The following CYSTM1 variants were observed in gnomAD, a reference collection of about 807,000 sequenced individuals.
CYSTM1 encodes the protein cysteine rich transmembrane module containing 1.
CYSTM1 carries 4 observed loss-of-function variants against 13.1 expected under a neutral mutation model. That is an observed-to-expected ratio of 0.31 (90% CI 0.15 to 0.70). The LOEUF (loss-of-function observed/expected upper bound fraction) is 0.70, where lower values mean the gene tolerates loss of function less well. CYSTM1 is among the 30% of genes least tolerant of loss of function. The pLI is 0.72. For synonymous variants in CYSTM1, 36 were observed against 42.7 expected, an observed-to-expected ratio of 0.84 and a Z score of 0.62; for missense variants, 96 against 121.6, an observed-to-expected ratio of 0.79 and a Z score of 0.99.
chr5:140,234,817 A>G (rs979712142), intron 2 of CYSTM1, among the ~76,000 whole-genome samples: 1 of 152,212 alleles, frequency 6.6e-6, no homozygotes, highest in Admixed American at 6.5e-5. Flanking sequence ...GCAAGATCAT[A>G]CACTGTTTGC....
At chr5:140,194,757 T>G in intron 2 of CYSTM1, 105 bp downstream of exon 2, 1 of 1,380,064 alleles carries the variant, frequency 7.2e-7, no homozygotes, top group Non-Finnish European at 9.8e-7. Flanking sequence ...TTGCAACTTG[T>G]GCTTGATGTC....
chr5:140,228,547 A>G (rs1764586659), intron 2 of CYSTM1, among the ~76,000 whole-genome samples: 1 of 152,216 alleles, frequency 6.6e-6, no homozygotes, highest in Non-Finnish European at 1.5e-5. Context: ...TGTGTGCCAG[A>G]CACTGAAACA....
At chr5:140,229,011 T>C in intron 2 of CYSTM1, 1 of 389,482 alleles carries the variant, frequency 2.6e-6, no homozygotes, top group Non-Finnish European at 4.5e-6. Context: ...TTTCCCTGAT[T>C]ACTAGTGACC....
At chr5:140,200,188 CTT>C (rs1337095872) in intron 2 of CYSTM1, 3 of 152,206 alleles carry the variant, frequency 2.0e-5, no homozygotes, top group African/African-American at 7.2e-5. Flanking sequence ...GCCATGAAGT[CTT>C]TGCCTATGCC....
At chr5:140,177,080 A>AAAAAAAAAACAAAACAAAAC (rs1763900246) in intron 1 of CYSTM1, among the ~76,000 whole-genome samples, 5 of 145,676 alleles carry the variant, frequency 3.4e-5, no homozygotes, top group African/African-American at 1.4e-4. Flanking sequence ...AAAAAAAAAA[A>AAAAAAAAAACAAAACAAAAC]AAAAAAATCT....
intron 1 of CYSTM1, among the ~76,000 whole-genome samples, chr5:140,177,529 T>TG (rs1189946328): frequency 6.6e-6 from 1 of 152,108 alleles, no homozygotes; most frequent in Non-Finnish European, 1.5e-5. Flanking sequence ...GTTTGGGAAT[T>TG]GCGAAGGAAG....
At position 140,177,067 on chromosome 5, in the gene CYSTM1, T is replaced by TCAAAAAAAAAAACAAAAAAAAAA. The variant is rs1433220611; in HGVS notation, c.-21+1794_-21+1795insCAAAAAAAAAACAAAAAAAAAAA. On this transcript the variant is annotated intron_variant, in intron 1 of 2. Transcript: ENST00000261811. ...CTGGGCGACAGAGCGAGACTCTGTCTCAAAAAAAAAAAAAAAAAAATCTCT... is the reference window on the plus strand; with the variant it reads ...CTGGGCGACAGAGCGAGACTCTGTCTCAAAAAAAAAAACAAAAAAAAAACAAAAAAAAAAAAAAAAAAATCTCT... Among the ~76,000 whole-genome samples the TCAAAAAAAAAAACAAAAAAAAAA allele has an allele frequency of 7.7e-3, 115 of 14,918 alleles. 4 individuals carry two copies. Among genetic ancestry groups the TCAAAAAAAAAAACAAAAAAAAAA allele is most frequent in the African/African-American group, 0.034 (108 of 3,186 alleles). 9.8% of individuals were successfully genotyped at this position (14,918 alleles called of 152,430 possible).
At chr5:140,233,373 G>A (rs1764639533) in intron 2 of CYSTM1, among the ~76,000 whole-genome samples, 2 of 152,102 alleles carry the variant, frequency 1.3e-5, no homozygotes, top group South Asian at 4.1e-4. Flanking sequence ...TGTATTAGAG[G>A]TACCCCAGTT....
intron 2 of CYSTM1, among the ~76,000 whole-genome samples, chr5:140,207,588 A>AT (rs1031089452): frequency 1.1e-3 from 170 of 152,128 alleles, no homozygotes; most frequent in African/African-American, 3.9e-3. Context: ...AGATTTAAAT[A>AT]TTTTTTCTCC....
At chr5:140,202,683 A>G (rs1764247448) in intron 2 of CYSTM1, 1 of 152,188 alleles carries the variant, frequency 6.6e-6, no homozygotes, top group Admixed American at 6.5e-5. Flanking sequence ...GTACTCTTGG[A>G]TTGACTTACA....
intron 2 of CYSTM1, among the ~76,000 whole-genome samples, chr5:140,195,638 A>T (rs867282013): frequency 6.6e-6 from 1 of 151,364 alleles, no homozygotes; most frequent in Admixed American, 6.6e-5. Context: ...AGACTGTGTT[A>T]GCCAGGATGG....
intron 1 of CYSTM1, among the ~76,000 whole-genome samples, chr5:140,189,024 C>T (rs933358763): frequency 6.6e-6 from 1 of 152,174 alleles, no homozygotes; most frequent in Non-Finnish European, 1.5e-5. Flanking sequence ...CTATCTTCCC[C>T]TCAGTATTCA....
At chr5:140,225,698 T>C (rs1418143047) in intron 2 of CYSTM1, among the ~76,000 whole-genome samples, 1 of 152,196 alleles carries the variant, frequency 6.6e-6, no homozygotes, top group Non-Finnish European at 1.5e-5. Context: ...ACTGTTCATG[T>C]CTGTGTGTGA....
Position 140,217,156 on chromosome 5 carries a change from T to G in CYSTM1, c.187+22504T>G, listed in dbSNP as rs1019333680. ...CCATTTACCCTTGAAATGAGTCCAT[T>G]TGCTAGCCTGGGATACCTTTTCAGC... On this transcript the variant is annotated intron_variant, in intron 2 of 2. Coordinates refer to ENST00000261811, the MANE Select transcript of CYSTM1 (RefSeq NM_032412.4). Among the ~76,000 whole-genome samples, 5 of 152,292 alleles carry G rather than the reference T, an allele frequency of 3.3e-5. No individual in the cohort carries two copies. The East Asian group carries it at 9.6e-4, about 29-fold the overall frequency.
chr5:140,241,006 C>T (rs966176438), intron 2 of CYSTM1, among the ~76,000 whole-genome samples: 1 of 152,210 alleles, frequency 6.6e-6, no homozygotes, highest in Non-Finnish European at 1.5e-5. Context: ...GGGCACTCAA[C>T]GCCCCTGTCA....
intron 1 of CYSTM1, among the ~76,000 whole-genome samples, chr5:140,179,951 C>T (rs1340566107): frequency 6.6e-6 from 1 of 152,220 alleles, no homozygotes; most frequent in Non-Finnish European, 1.5e-5. Flanking sequence ...ACGTGAGTCA[C>T]CGCGCCCAGC....
chr5:140,222,324 G>T (rs1290106857), intron 2 of CYSTM1, among the ~76,000 whole-genome samples: 1 of 152,232 alleles, frequency 6.6e-6, no homozygotes, highest in Non-Finnish European at 1.5e-5. Flanking sequence ...TCCTAGGAAA[G>T]TATATTTCTG....
chr5:140,231,501 T>G (rs1392710419), intron 2 of CYSTM1, among the ~76,000 whole-genome samples: 1 of 152,206 alleles, frequency 6.6e-6, no homozygotes, highest in Non-Finnish European at 1.5e-5. Flanking sequence ...TCCCTGCTTT[T>G]GCAGGGCTTA....
At position 140,243,588 on chromosome 5, in the gene CYSTM1, G is replaced by C. The variant is rs1039723113; in HGVS notation, c.*177G>C. ...TTGCTACTGTTTAATTCAGTGACTTGATCTTTTTAATGTCCAAAATCCATT... is the reference window on the plus strand; with the variant it reads ...TTGCTACTGTTTAATTCAGTGACTTCATCTTTTTAATGTCCAAAATCCATT... On this transcript the variant is annotated 3_prime_UTR_variant, in exon 3 of 3. Coordinates refer to ENST00000261811, the MANE Select transcript of CYSTM1 (RefSeq NM_032412.4). 7.8e-6 allele frequency: 4 copies of C among 509,608 alleles called. No individual in the cohort carries two copies. In the Admixed American group the frequency reaches 1.1e-4, roughly 14 times the overall value. 31.6% of individuals were successfully genotyped at this position (509,608 alleles called of 1,614,324 possible).
Sources: allele counts gnomAD v4.1 joint callset (sites outside exome capture counted in the v4.1 genomes callset), GRCh38; gene constraint gnomAD v4.1.1; transcripts MANE v1.5; gene names NCBI Gene and HGNC (gene_info 2026-07-23, HGNC 2026-07-21).